The following INPP5F variants were observed in gnomAD, a reference collection of about 807,000 sequenced individuals.
INPP5F encodes inositol polyphosphate-5-phosphatase F, also known as phosphatidylinositide 4-phosphatase SAC2.
Under a neutral mutation model 137.2 loss-of-function variants are expected in INPP5F, and 97 were observed. The observed-to-expected ratio is 0.71, with a 90% CI of 0.60 to 0.84. INPP5F has a LOEUF of 0.84. INPP5F is among the 40% of genes least tolerant of loss of function. The probability of loss-of-function intolerance (pLI) is 0.00; values close to 1 mark genes in which losing one functional copy is unlikely to be tolerated. For synonymous variants in INPP5F, 504 were observed against 476.9 expected, an observed-to-expected ratio of 1.06 and a Z score of -0.74; for missense variants, 1,271 against 1,371.9, an observed-to-expected ratio of 0.93 and a Z score of 1.16.
intron 3 of INPP5F, among the ~76,000 whole-genome samples, chr10:119,786,628 C>CA (rs1202061041): frequency 2.0e-5 from 3 of 152,054 alleles, no homozygotes; most frequent in Non-Finnish European, 4.4e-5. Context: ...ATCCTGCCTT[C>CA]AGCCCCCCAA....
chr10:119,784,285 A>G (rs1334290530), intron 3 of INPP5F, among the ~76,000 whole-genome samples: 2 of 152,172 alleles, frequency 1.3e-5, no homozygotes, highest in African/African-American at 4.8e-5. Flanking sequence ...TATTCTACTG[A>G]GTTTTGGTGG....
intron 3 of INPP5F, among the ~76,000 whole-genome samples, chr10:119,784,785 C>T (rs1849821910): frequency 6.6e-6 from 1 of 152,196 alleles, no homozygotes; most frequent in South Asian, 2.1e-4. Context: ...GTGGTTATCA[C>T]CACAATCAAT....
intron 1 of INPP5F, among the ~76,000 whole-genome samples, chr10:119,740,743 A>G (rs547752996): frequency 2.4e-4 from 36 of 152,188 alleles, no homozygotes; most frequent in South Asian, 8.3e-4. Context: ...GGGTTTCACC[A>G]TGTTGGCCAG....
rs77961011 is a variant in INPP5F at position 119,804,763 on chromosome 10, C to A, written c.1241+466C>A. Reference sequence around the variant, plus strand: ...TTAAGGACAGGTCTCACTCTGTCGCCCAGGCTGAAGTGGAGTGCGGTGGTG... The same window carrying A: ...TTAAGGACAGGTCTCACTCTGTCGCACAGGCTGAAGTGGAGTGCGGTGGTG... On this transcript the variant is annotated intron_variant, in intron 10 of 19. Transcript: ENST00000650623. Among the ~76,000 whole-genome samples, 283 of 151,944 alleles carry A rather than the reference C, an allele frequency of 1.9e-3. 2 individuals are homozygous for A. Among genetic ancestry groups the A allele is most frequent in the African/African-American group, 6.4e-3 (266 of 41,420 alleles).
chr10:119,776,392 G>C (rs892245251), intron 2 of INPP5F, among the ~76,000 whole-genome samples: 8 of 151,610 alleles, frequency 5.3e-5, no homozygotes, highest in African/African-American at 1.9e-4. Flanking sequence ...TTGAGTTTAA[G>C]TATTGGCAAT....
At chr10:119,776,294 A>C (rs1849519726) in intron 2 of INPP5F, among the ~76,000 whole-genome samples, 1 of 152,210 alleles carries the variant, frequency 6.6e-6, no homozygotes, top group African/African-American at 2.4e-5. Context: ...TTTTAAAAAG[A>C]AGCACATAGA....
chr10:119,793,162 C>T (rs976831377), intron 6 of INPP5F, among the ~76,000 whole-genome samples: 2 of 152,054 alleles, frequency 1.3e-5, no homozygotes, highest in African/African-American at 2.4e-5. Flanking sequence ...CATGTTTTGC[C>T]GAGTTTTTGT....
In INPP5F at chr10:119,779,318, A is replaced by G. The variant is rs191725986; in HGVS notation, c.179-2317A>G. Among the ~76,000 whole-genome samples the G allele has an allele frequency of 7.1e-4, 108 of 152,318 alleles. 1 individual carries two copies. Among genetic ancestry groups the G allele is most frequent in the African/African-American group, 2.4e-3 (100 of 41,540 alleles). Reference sequence around the variant, plus strand: ...AGTCAGTGAGTGAATGTGAAGGCCTAGGACATTATCGTACACTACTATAGA... The same window carrying G: ...AGTCAGTGAGTGAATGTGAAGGCCTGGGACATTATCGTACACTACTATAGA... On this transcript the variant is annotated intron_variant, in intron 2 of 19. Coordinates refer to ENST00000650623, the MANE Select transcript of INPP5F (RefSeq NM_014937.4).
At chr10:119,785,286 G>GTTGTTTTGTTTTTTT (rs770290302) in intron 3 of INPP5F, among the ~76,000 whole-genome samples, 1 of 106,226 alleles carries the variant, frequency 9.4e-6, no homozygotes, top group African/African-American at 3.7e-5. Flanking sequence ...CTGCCAGACT[G>GTTGTTTTGTTTTTTT]TTTTTTTTTT....
At chr10:119,802,418 A>G (rs926411230) in intron 9 of INPP5F, among the ~76,000 whole-genome samples, 16 of 152,220 alleles carry the variant, frequency 1.1e-4, no homozygotes, top group African/African-American at 3.9e-4. Flanking sequence ...GGTATGAGTC[A>G]GTTGACTCAA....
chr10:119,785,952 A>T (rs1179874898), intron 3 of INPP5F, among the ~76,000 whole-genome samples: 1 of 152,198 alleles, frequency 6.6e-6, no homozygotes, highest in Non-Finnish European at 1.5e-5. Flanking sequence ...TAGAAAAAAA[A>T]TACCCTTTAA....
In INPP5F at chr10:119,787,759, C is replaced by G. The variant is rs1275872065; in HGVS notation, c.316-3758C>G. 6.6e-6 allele frequency among the ~76,000 whole-genome samples: 1 copy of G among 152,038 alleles called. No homozygotes were observed. The highest frequency in any genetic ancestry group is 2.4e-5 in the African/African-American group (1 of 41,358). On this transcript the variant is annotated intron_variant, in intron 3 of 19. Transcript: ENST00000650623. This position sits in a 1 kb window ranked among gnomAD's most constrained non-coding sequence, Gnocchi z 4.1. ...GCCAGAGGCCTTTCTGGGTCTGCAT[C>G]TAGAAGCAGACAGTAGCAGGTGGGA...
At position 119,771,868 on chromosome 10, in the gene INPP5F, ATATATATATATATATTTTTTTTTTTT is replaced by A. The variant is rs1255299386; in HGVS notation, c.179-9765_179-9740del. Among the ~76,000 whole-genome samples, 37 of 14,308 alleles carry A rather than the reference ATATATATATATATATTTTTTTTTTTT, an allele frequency of 2.6e-3. 2 individuals are homozygous for A. Among genetic ancestry groups the A allele is most frequent in the South Asian group, 0.022 (22 of 1,008 alleles). 9.4% of individuals were successfully genotyped at this position (14,308 alleles called of 152,430 possible). A position where few individuals can be genotyped will look rare whatever the true frequency, so the allele number is the denominator to read the frequency against. ...GAGATATATATATATATATATATAT[ATATATATATATATATTTTTTTTTTTT>A]TTTTTTTTTTTTTTTTTTTGAGATG... On this transcript the variant is annotated intron_variant, in intron 2 of 19. Transcript: ENST00000650623.
intron 2 of INPP5F, among the ~76,000 whole-genome samples, chr10:119,775,553 T>C (rs986084870): frequency 6.6e-5 from 10 of 152,186 alleles, no homozygotes; most frequent in African/African-American, 2.2e-4. Flanking sequence ...GCATGGGCCA[T>C]GGTGCCCAGC....
At chr10:119,772,389 A>C (rs61867901) in intron 2 of INPP5F, among the ~76,000 whole-genome samples, 6,329 of 152,206 alleles carry the variant, frequency 0.042, 241 homozygotes, top group South Asian at 0.23. Flanking sequence ...AGGAAAACCT[A>C]TTACCTTTTT....
At chr10:119,750,589 AT>A (rs1848664129) in intron 1 of INPP5F, among the ~76,000 whole-genome samples, 1 of 152,190 alleles carries the variant, frequency 6.6e-6, no homozygotes. Context: ...TTCCTATTGT[AT>A]TTGTCCTGGA....
intron 2 of INPP5F, among the ~76,000 whole-genome samples, chr10:119,766,693 G>A (rs1224476891): frequency 6.6e-6 from 1 of 152,160 alleles, no homozygotes; most frequent in African/African-American, 2.4e-5. Context: ...GAAGACAATG[G>A]AATGACATCG....
At chr10:119,735,954 A>G (rs973963394) in intron 1 of INPP5F, among the ~76,000 whole-genome samples, 1 of 152,216 alleles carries the variant, frequency 6.6e-6, no homozygotes, top group Admixed American at 6.5e-5. Context: ...ACATGGTGAA[A>G]CACTGTCTCT....
rs1329730810 is a variant in INPP5F, at chr10:119,795,378, G to A, written c.670-1337G>A. On this transcript the variant is annotated intron_variant, in intron 6 of 19. Transcript: ENST00000650623. ...TTCTCAGACGGGGCGGCTGCCAGGC[G>A]GAGGGGCTCCTCACTTCTCAGATGG... is the stretch of plus-strand genomic sequence containing the variant. 4.2e-4 allele frequency among the ~76,000 whole-genome samples: 63 copies of A among 148,476 alleles called. No homozygotes were observed. In the East Asian group the frequency reaches 4.9e-3, roughly 12 times the overall value.
Sources: allele counts gnomAD v4.1 joint callset (sites outside exome capture counted in the v4.1 genomes callset), GRCh38; gene constraint gnomAD v4.1.1; non-coding constraint Gnocchi (gnomAD v3.1); transcripts MANE v1.5; gene names NCBI Gene and HGNC (gene_info 2026-07-23, HGNC 2026-07-21).